Variants in PRKAR1A observed in about 807,000 individuals in gnomAD.
PRKAR1A encodes cAMP-dependent protein kinase type I-alpha regulatory subunit.
Under a neutral mutation model 52.0 loss-of-function variants are expected in PRKAR1A, and 3 were observed. The observed-to-expected ratio is 0.06, with a 90% CI of 0.03 to 0.15. PRKAR1A has a LOEUF of 0.15. PRKAR1A is among the 10% of genes least tolerant of loss of function. The pLI is 1.00. For missense variants in PRKAR1A, 240 were observed against 477.4 expected (o/e 0.50, Z 4.63); for synonymous variants, 188 against 168.4 (o/e 1.12, Z -0.90).
At chr17:68,454,772 G>A in the PRKAR1A span, among the ~76,000 whole-genome samples, 5 of 152,212 alleles carry the variant, frequency 3.3e-5, no homozygotes, top group Non-Finnish European at 5.9e-5. Context: ...AGTAAGGAAA[G>A]AAATACTGTA....
At chr17:68,471,957 C>T in the PRKAR1A span, among the ~76,000 whole-genome samples, 137 of 152,244 alleles carry the variant, frequency 9.0e-4, no homozygotes, top group Middle Eastern at 3.4e-3. Context: ...CCCGCCACCA[C>T]GCCTGGCTAA....
At chr17:68,543,366 C>T (rs1363837585) in intron 11 of PRKAR1A, among the ~76,000 whole-genome samples, 3 of 152,146 alleles carry the variant, frequency 2.0e-5, no homozygotes, top group Admixed American at 2.0e-4. Flanking sequence ...GAAACTAGAG[C>T]AACTGCCCCA....
At chr17:68,526,926 C>A (rs769832921) in intron 7 of PRKAR1A, among the ~76,000 whole-genome samples, 4 of 151,964 alleles carry the variant, frequency 2.6e-5, no homozygotes, top group Non-Finnish European at 4.4e-5. Context: ...CCCACACACA[C>A]AAAAAAACGC....
chr17:68,434,693 G>A, the PRKAR1A span: 1 of 1,542,156 alleles, frequency 6.5e-7, no homozygotes, highest in Non-Finnish European at 8.9e-7. Context: ...TCCCTTTAGA[G>A]AGGAGTTTGT....
chr17:68,523,629 C>A, intron 3 of PRKAR1A, 96 bp from the exon 4 acceptor site: 1 of 926,374 alleles, frequency 1.1e-6, no homozygotes, highest in Non-Finnish European at 1.8e-6. Flanking sequence ...TGTTTAAATA[C>A]CATAATGTGG....
At chr17:68,542,515 C>T (rs907157531) in intron 11 of PRKAR1A, among the ~76,000 whole-genome samples, 2 of 152,126 alleles carry the variant, frequency 1.3e-5, no homozygotes, top group Admixed American at 1.3e-4. Flanking sequence ...CTTTCCCATC[C>T]AGTTCATCTT....
Position 68,530,268 on chromosome 17 carries a change from T to G in PRKAR1A, c.974-9T>G. Reference sequence around the variant, plus strand: ...AAGTTAGCCTGTTACCCATCTTTGCTTTCTCCAGGTGAAATTGCACTACTG... The same window carrying G: ...AAGTTAGCCTGTTACCCATCTTTGCGTTCTCCAGGTGAAATTGCACTACTG... On this transcript the variant is annotated splice_polypyrimidine_tract_variant and intron_variant, in intron 10 of 10. Transcript: ENST00000589228. 1 of 1,614,098 alleles carries G rather than the reference T, an allele frequency of 6.2e-7. No homozygotes were observed. The highest frequency in any genetic ancestry group is 8.5e-7 in the Non-Finnish European group (1 of 1,179,946).
In PRKAR1A at chr17:68,515,374, T is replaced by A. The variant is rs760968891; in HGVS notation, c.-6-20T>A. 3 of 1,612,382 alleles carry A rather than the reference T, an allele frequency of 1.9e-6. No individual in the cohort carries two copies. Among genetic ancestry groups the A allele is most frequent in the South Asian group, 2.2e-5 (2 of 90,986 alleles). On this transcript the variant is annotated intron_variant, in intron 1 of 10. Transcript: ENST00000589228. ...TTGCTTTATAGTTTATACAAGCATG[T>A]GTGTGTTTTTTTCTCGCAGAGAACC... is the stretch of plus-strand genomic sequence containing the variant.
downstream of PRKAR1A, chr17:68,535,668 A>AT: frequency 4.5e-6 from 2 of 447,946 alleles, no homozygotes; most frequent in Admixed American, 2.4e-5. Context: ...TTTAAAAAAA[A>AT]ATTTTTTTTT....
chr17:68,413,890 G>GTCACC, the PRKAR1A span: 1 of 152,436 alleles, frequency 6.6e-6, no homozygotes, highest in Non-Finnish European at 1.5e-5. Context: ...GGTGCCGTCT[G>GTCACC]TCACCCCTTT....
At chr17:68,517,633 C>T (rs1442838692) in intron 2 of PRKAR1A, among the ~76,000 whole-genome samples, 1 of 152,202 alleles carries the variant, frequency 6.6e-6, no homozygotes, top group Admixed American at 6.5e-5. Flanking sequence ...CCAGGTCCCT[C>T]TCAGGGCACA....
At chr17:68,459,262 A>G in the PRKAR1A span, among the ~76,000 whole-genome samples, 1 of 152,226 alleles carries the variant, frequency 6.6e-6, no homozygotes, top group African/African-American at 2.4e-5. Context: ...CAGCTCTGTC[A>G]AATGCTGCAG....
chr17:68,536,830 A>C (rs1213454497), downstream of PRKAR1A: 1 of 453,614 alleles, frequency 2.2e-6, no homozygotes, highest in African/African-American at 2.0e-5. Flanking sequence ...TCAAATTGGA[A>C]CACTCCTTTT....
the PRKAR1A span, among the ~76,000 whole-genome samples, chr17:68,465,633 T>C: frequency 1.5e-5 from 2 of 132,746 alleles, no homozygotes; most frequent in African/African-American, 5.5e-5. Context: ...CAATTTTTTT[T>C]TTTTTTTTTT....
At chr17:68,484,705 C>T in the PRKAR1A span, among the ~76,000 whole-genome samples, 6 of 152,228 alleles carry the variant, frequency 3.9e-5, no homozygotes, top group Non-Finnish European at 5.9e-5. Flanking sequence ...GTTGAAAAAG[C>T]TCCATTTGGG....
At chr17:68,541,628 A>G (rs2086298450) in intron 11 of PRKAR1A, 1 of 205,762 alleles carries the variant, frequency 4.9e-6, no homozygotes, top group Non-Finnish European at 9.9e-6. Context: ...TGTCCCTCCC[A>G]TGGGATTCTC....
In PRKAR1A at chr17:68,524,002, T is replaced by C. The variant is rs745675940; in HGVS notation, c.441-14T>C. On this transcript the variant is annotated splice_polypyrimidine_tract_variant and intron_variant, in intron 4 of 10. Transcript: ENST00000589228. ...ACATGTGAAATGTAACACGAGGCCT[T>C]CTCTCTTTTGCAGTGATATTTTTGA... The C allele has an allele frequency of 1.9e-6, 3 of 1,613,958 alleles. No individual in the cohort carries two copies. The highest frequency in any genetic ancestry group is 2.5e-6 in the Non-Finnish European group (3 of 1,179,846).
chr17:68,482,371 A>G, the PRKAR1A span, among the ~76,000 whole-genome samples: 15,526 of 152,300 alleles, frequency 0.1, 1,105 homozygotes, highest in Non-Finnish European at 0.16. Flanking sequence ...TGTTTGCCCA[A>G]TGACACACAA....
the PRKAR1A span, among the ~76,000 whole-genome samples, chr17:68,452,218 C>T: frequency 3.9e-5 from 6 of 152,294 alleles, no homozygotes; most frequent in East Asian, 1.9e-4. Context: ...CAAATACTTC[C>T]AAAACTGAAT....
Sources: allele counts gnomAD v4.1 joint callset (sites outside exome capture counted in the v4.1 genomes callset), GRCh38; gene constraint gnomAD v4.1.1; transcripts MANE v1.5; gene names NCBI Gene and HGNC (gene_info 2026-07-23, HGNC 2026-07-21).